BRD10: variants seen among roughly 807,000 people sequenced by gnomAD.
BRD10 encodes the protein bromodomain containing 10, also known as uncharacterized bromodomain-containing protein 10.
At chr9:5,921,423 C>T in the BRD10 span, 1 of 1,613,924 alleles carries the variant, frequency 6.2e-7, no homozygotes, top group Non-Finnish European at 8.5e-7. Flanking sequence ...TTTAATGATT[C>T]TGCAACAAGA....
the BRD10 span, chr9:6,007,457 C>T: frequency 1.1e-5 from 17 of 1,608,388 alleles, no homozygotes; most frequent in Non-Finnish European, 1.4e-5. Flanking sequence ...TCCTCCTCCG[C>T]GGTGGCAACG....
chr9:5,956,147 T>C, the BRD10 span, among the ~76,000 whole-genome samples: 1 of 152,144 alleles, frequency 6.6e-6, no homozygotes, highest in African/African-American at 2.4e-5. Flanking sequence ...CCATTTGATT[T>C]TGTATTCATT....
the BRD10 span, among the ~76,000 whole-genome samples, chr9:5,963,347 AG>A: frequency 1.2e-5 from 1 of 85,408 alleles, no homozygotes; most frequent in Non-Finnish European, 2.5e-5. Context: ...CCAACTTACA[AG>A]GGATGTGAAG....
At chr9:5,980,310 T>C in the BRD10 span, among the ~76,000 whole-genome samples, 2 of 152,196 alleles carry the variant, frequency 1.3e-5, no homozygotes, top group Non-Finnish European at 2.9e-5. Context: ...ATCAGCATTT[T>C]CTTGAAGATG....
the BRD10 span, among the ~76,000 whole-genome samples, chr9:5,918,183 C>T: frequency 1.3e-5 from 2 of 152,102 alleles, no homozygotes; most frequent in Non-Finnish European, 2.9e-5. Context: ...TTTCTGAGAG[C>T]CTTTAGTGAC....
At chr9:5,954,486 G>A in the BRD10 span, among the ~76,000 whole-genome samples, 1 of 152,160 alleles carries the variant, frequency 6.6e-6, no homozygotes, top group African/African-American at 2.4e-5. Context: ...TCAGGAACTT[G>A]CATAAGAACT....
the BRD10 span, chr9:5,923,442 G>C: frequency 1.5e-6 from 1 of 653,966 alleles, no homozygotes; most frequent in Non-Finnish European, 2.6e-6. Flanking sequence ...TGATTCAAAA[G>C]CCTTAGCACC....
the BRD10 span, among the ~76,000 whole-genome samples, chr9:5,989,235 T>TTAA: frequency 2.2e-5 from 1 of 46,164 alleles, no homozygotes; most frequent in Non-Finnish European, 3.8e-5. Flanking sequence ...TCTGTCTCAT[T>TTAA]AAAAAAAAAA....
the BRD10 span, among the ~76,000 whole-genome samples, chr9:5,925,171 C>G: frequency 2.9e-4 from 44 of 152,042 alleles, no homozygotes; most frequent in Non-Finnish European, 2.5e-4. Flanking sequence ...CCAGCCTGGC[C>G]AACACGGTGA....
the BRD10 span, among the ~76,000 whole-genome samples, chr9:5,957,226 G>C: frequency 6.6e-6 from 1 of 152,096 alleles, no homozygotes; most frequent in Admixed American, 6.5e-5. Context: ...TAACTCTACT[G>C]TAATACTGGA....
the BRD10 span, among the ~76,000 whole-genome samples, chr9:6,004,711 G>C: frequency 6.6e-6 from 1 of 152,130 alleles, no homozygotes; most frequent in Non-Finnish European, 1.5e-5. Context: ...TAAGCTATGA[G>C]TCATCTATAT....
chr9:5,996,234 A>T, the BRD10 span, among the ~76,000 whole-genome samples: 8 of 152,314 alleles, frequency 5.3e-5, no homozygotes, highest in South Asian at 1.2e-3. Context: ...TTCCAAAGCC[A>T]TTATTCATTT....
the BRD10 span, chr9:5,921,011 A>G: frequency 6.8e-6 from 11 of 1,613,854 alleles, no homozygotes; most frequent in African/African-American, 5.3e-5. Flanking sequence ...AAAGGAACCC[A>G]AAGATAAATT....
At chr9:6,007,521 G>T in the BRD10 span, 8 of 1,612,944 alleles carry the variant, frequency 5.0e-6, no homozygotes, top group Non-Finnish European at 6.8e-6. Context: ...TCTCCTGCAG[G>T]AACTCGCCCA....
the BRD10 span, among the ~76,000 whole-genome samples, chr9:5,988,956 T>TG: frequency 1.3e-5 from 2 of 151,922 alleles, no homozygotes; most frequent in African/African-American, 2.4e-5. Flanking sequence ...AACAGCCGGG[T>TG]GCAGTGGCTC....
At chr9:5,944,142 T>C in the BRD10 span, among the ~76,000 whole-genome samples, 2 of 152,154 alleles carry the variant, frequency 1.3e-5, no homozygotes, top group African/African-American at 4.8e-5. Context: ...AAAACGATTT[T>C]CTTCAGGTTT....
the BRD10 span, among the ~76,000 whole-genome samples, chr9:5,969,847 G>T: frequency 6.6e-6 from 1 of 152,090 alleles, no homozygotes. Flanking sequence ...TGCCCAGCCT[G>T]CCCTAGTTTT....
chr9:5,915,890 T>G, the BRD10 span, among the ~76,000 whole-genome samples: 1 of 152,242 alleles, frequency 6.6e-6, no homozygotes, highest in African/African-American at 2.4e-5. Flanking sequence ...ATAATTACTT[T>G]AAGAATGTTT....
the BRD10 span, among the ~76,000 whole-genome samples, chr9:5,931,230 G>A: frequency 6.6e-6 from 1 of 152,178 alleles, no homozygotes; most frequent in Non-Finnish European, 1.5e-5. Flanking sequence ...GGATGCAGAA[G>A]GACTAGCAGT....
Sources: allele counts gnomAD v4.1 joint callset (sites outside exome capture counted in the v4.1 genomes callset), GRCh38; gene constraint gnomAD v4.1.1; transcripts MANE v1.5; gene names NCBI Gene and HGNC (gene_info 2026-07-23, HGNC 2026-07-21).